The following DOCK11 variants were observed in gnomAD, a reference collection of about 807,000 sequenced individuals.
DOCK11 encodes the protein dedicator of cytokinesis protein 11.
Under a neutral mutation model 169.1 loss-of-function variants are expected in DOCK11, and 70 were observed. That is an observed-to-expected ratio of 0.41 (90% confidence interval 0.34 to 0.51). DOCK11 has a LOEUF of 0.51. DOCK11 is among the 20% of genes least tolerant of loss of function. The probability of loss-of-function intolerance (pLI) is 0.10; values close to 1 mark genes in which losing one functional copy is unlikely to be tolerated. For synonymous variants in DOCK11, 529 were observed against 541.3 expected (o/e 0.98, Z 0.32); for missense variants, 1,166 against 1,538.8 (o/e 0.76, Z 4.05).
chrX:118,501,151 T>G (rs1290234253), intron 1 of DOCK11, among the ~76,000 whole-genome samples: 2 of 111,833 alleles, frequency 1.8e-5, no homozygotes, highest in Non-Finnish European at 3.8e-5. Context: ...GGTAAATAGC[T>G]ATATATCTTT....
intron 46 of DOCK11, among the ~76,000 whole-genome samples, chrX:118,672,550 A>G (rs545683563): frequency 2.7e-5 from 3 of 112,710 alleles, no homozygotes; most frequent in African/African-American, 9.6e-5. Flanking sequence ...CTCCTGCTTC[A>G]GCCTCCTGAG....
chrX:118,498,006 T>C (rs182239083), intron 1 of DOCK11, among the ~76,000 whole-genome samples: 3 of 112,729 alleles, frequency 2.7e-5, no homozygotes, highest in African/African-American at 6.4e-5. Flanking sequence ...AAAACTGTTA[T>C]TGGCAGGAGT....
At chrX:118,668,922 G>A (rs1452490101) in intron 45 of DOCK11, among the ~76,000 whole-genome samples, 1 of 111,735 alleles carries the variant, frequency 8.9e-6, no homozygotes, top group Admixed American at 9.5e-5. Flanking sequence ...ACTGCTAGTA[G>A]TTCGCTGTTG....
intron 44 of DOCK11, 73 bp from the exon 45 acceptor site, chrX:118,662,613 C>T: frequency 1.9e-6 from 1 of 529,781 alleles, no homozygotes; most frequent in Admixed American, 3.2e-5. Flanking sequence ...AATAGCCCAT[C>T]TCTGTAAGGC....
chrX:118,587,656 A>G (rs1250002192), intron 16 of DOCK11, among the ~76,000 whole-genome samples: 1 of 111,971 alleles, frequency 8.9e-6, no homozygotes, highest in Non-Finnish European at 1.9e-5. Flanking sequence ...ACATCGTAAG[A>G]TCAAAAGGCC....
intron 9 of DOCK11, among the ~76,000 whole-genome samples, chrX:118,567,388 A>G (rs1442351281): frequency 3.9e-5 from 4 of 103,525 alleles, no homozygotes; most frequent in Admixed American, 3.1e-4. Flanking sequence ...CTTCAAAGCT[A>G]TTTTTCAAAA....
intron 23 of DOCK11, among the ~76,000 whole-genome samples, chrX:118,603,483 A>G (rs2014403630): frequency 8.9e-6 from 1 of 112,160 alleles, no homozygotes; most frequent in Non-Finnish European, 1.9e-5. Flanking sequence ...TCTACCTGGC[A>G]CTATTCTATT....
intron 1 of DOCK11, among the ~76,000 whole-genome samples, chrX:118,507,001 C>T (rs1284822814): frequency 5.3e-5 from 6 of 112,231 alleles, no homozygotes; most frequent in African/African-American, 1.6e-4. Context: ...TCCAGCTCTA[C>T]GTGGTTCATC....
At chrX:118,672,190 C>G (rs889572038) in intron 46 of DOCK11, among the ~76,000 whole-genome samples, 4 of 111,861 alleles carry the variant, frequency 3.6e-5, no homozygotes, top group African/African-American at 1.3e-4. Flanking sequence ...ACTAGTAATA[C>G]CCCTATTATG....
At chrX:118,501,235 C>A (rs1158832930) in intron 1 of DOCK11, among the ~76,000 whole-genome samples, 1 of 111,635 alleles carries the variant, frequency 9.0e-6, no homozygotes, top group African/African-American at 3.3e-5. Context: ...AATCCCAGCA[C>A]TTTGGGAGGC....
intron 44 of DOCK11, among the ~76,000 whole-genome samples, chrX:118,660,254 C>T (rs764215931): frequency 8.9e-6 from 1 of 112,108 alleles, no homozygotes; most frequent in South Asian, 3.7e-4. Flanking sequence ...TGTCACTAAA[C>T]ACTCTGTTTG....
intron 40 of DOCK11, among the ~76,000 whole-genome samples, chrX:118,647,809 A>AT (rs2015770011): frequency 2.0e-5 from 1 of 50,925 alleles, no homozygotes. Context: ...ATATAATAAT[A>AT]TATATTATAT....
chrX:118,506,707 T>C (rs772940583), intron 1 of DOCK11, among the ~76,000 whole-genome samples: 5 of 112,140 alleles, frequency 4.5e-5, no homozygotes, highest in Non-Finnish European at 9.4e-5. Context: ...TAATAGGAAA[T>C]TTTAAAACTT....
chrX:118,558,485 T>C (rs2012798272), intron 6 of DOCK11, among the ~76,000 whole-genome samples: 1 of 112,135 alleles, frequency 8.9e-6, no homozygotes, highest in African/African-American at 3.2e-5. Flanking sequence ...GTAAAAAATA[T>C]ATATAAACTT....
intron 45 of DOCK11, among the ~76,000 whole-genome samples, chrX:118,663,671 A>T (rs575004424): frequency 0.021 from 1,761 of 84,140 alleles, 16 homozygotes; most frequent in Middle Eastern, 0.057. Flanking sequence ...TTGGCATCAA[A>T]GTCTTTTTTT....
intron 52 of DOCK11, 24 bp downstream of exon 52, chrX:118,683,241 T>C (rs2016784284): frequency 1.7e-6 from 2 of 1,186,557 alleles, no homozygotes; most frequent in African/African-American, 3.5e-5. Flanking sequence ...TGACTAAAAC[T>C]GAAAACATGA....
intron 27 of DOCK11, 78 bp downstream of exon 27, chrX:118,609,427 C>CA (rs1287279142): frequency 1.1e-5 from 8 of 755,879 alleles, no homozygotes; most frequent in South Asian, 3.1e-5. Flanking sequence ...TTGATGGAGA[C>CA]AAAAAAAGCT....
chrX:118,592,082 G>T, intron 19 of DOCK11, among the ~76,000 whole-genome samples: 2 of 107,305 alleles, frequency 1.9e-5, no homozygotes, highest in Middle Eastern at 9.4e-3. Flanking sequence ...GAATAGTGCC[G>T]CAATAAACAT....
chrX:118,599,325 A>G (rs1480828342), intron 23 of DOCK11, 97 bp downstream of exon 23: 4 of 639,624 alleles, frequency 6.3e-6, no homozygotes, highest in Admixed American at 3.6e-5. Context: ...ACAGTTTAAA[A>G]TATTTTTGGC....
Sources: gnomAD v4.1 joint callset for allele counts (sites outside exome capture counted in the v4.1 genomes callset) on GRCh38, gnomAD v4.1.1 for gene constraint, MANE v1.5 for transcripts, NCBI Gene and HGNC (gene_info 2026-07-23, HGNC 2026-07-21) for gene names.